SCAF11: variants seen among roughly 807,000 people sequenced by gnomAD.
SCAF11 encodes the protein SR-related CTD associated factor 11.
In SCAF11, 47 loss-of-function variants were observed where a neutral mutation model predicts 140.5. The ratio of observed to expected loss-of-function variants is 0.33; its 90% CI spans 0.26 to 0.43. SCAF11 has a LOEUF of 0.43. Among genes scored for constraint, SCAF11 ranks in the 20% least tolerant of loss-of-function variants. The pLI, the probability that SCAF11 is intolerant of heterozygous loss-of-function variation, is 1.00. For missense variants in SCAF11, 1,645 were observed against 1,705.1 expected, an observed-to-expected ratio of 0.96 and a Z score of 0.62; for synonymous variants, 557 against 579.4, an observed-to-expected ratio of 0.96 and a Z score of 0.55.
intron 11 of SCAF11, 51 bp downstream of exon 11, chr12:45,926,091 T>G (rs1944849825): frequency 1.3e-6 from 2 of 1,497,736 alleles, no homozygotes; most frequent in Admixed American, 2.2e-5. Flanking sequence ...CATATTAAAT[T>G]TATAATTCTT....
chr12:45,941,855 T>C (rs1221986733), intron 6 of SCAF11, among the ~76,000 whole-genome samples: 2 of 152,184 alleles, frequency 1.3e-5, no homozygotes, highest in African/African-American at 2.4e-5. Context: ...TGTTTTTCAA[T>C]AAAAGTTACA....
In SCAF11 at chr12:45,927,002, T is replaced by C. The variant is rs1157099642; in HGVS notation, c.2699A>G (p.Asp900Gly). 1.2e-6 allele frequency: 2 copies of C among 1,613,502 alleles called. No homozygotes were observed. Among genetic ancestry groups the C allele is most frequent in the East Asian group, 4.5e-5 (2 of 44,882 alleles). ...ENKRSQPRVK[D>G]SSPGEKSRSQ... is the part of the protein sequence containing the mutation. Reference sequence around the variant, plus strand: ...CCTGGATTTTTCTCCTGGGGAAGAATCTTTCACTCTTGGCTGAGATCTTTT... The same window carrying C: ...CCTGGATTTTTCTCCTGGGGAAGAACCTTTCACTCTTGGCTGAGATCTTTT... Residue 900 changes from aspartate (D) to glycine (G), a missense_variant, in exon 11 of 15, where the codon GAT (aspartate) becomes GGT (glycine). This residue lies in a region of SCAF11 where 1,582 missense variants were observed against 1,609.2 expected (regional missense o/e 0.98). Transcript: ENST00000369367.
Position 45,927,954 on chromosome 12 carries a change from TTTC to T in SCAF11, c.1744_1746del (p.Glu582del), listed in dbSNP as rs764138873. 3 of 1,613,456 alleles carry T rather than the reference TTTC, an allele frequency of 1.9e-6. No individual in the cohort carries two copies. Among genetic ancestry groups the T allele is most frequent in the Non-Finnish European group, 8.5e-7 (1 of 1,179,968 alleles). On this transcript the variant is annotated inframe_deletion, in exon 11 of 15. Coordinates refer to ENST00000369367, the MANE Select transcript of SCAF11 (RefSeq NM_004719.3). ...TCTACTAGGGAACTCTCTGTTATTTTTTCTTCATTAACCACTGACTCTACATTC... is the reference window on the plus strand; with the variant it reads ...TCTACTAGGGAACTCTCTGTTATTTTTTCATTAACCACTGACTCTACATTC...
chr12:45,955,961 G>GTA (rs1945681793), intron 3 of SCAF11: 1 of 626,086 alleles, frequency 1.6e-6, no homozygotes, highest in Admixed American at 2.5e-5. Context: ...TAAGGTTGTT[G>GTA]TATCAGTTAA....
At position 45,927,080 on chromosome 12, in the gene SCAF11, T is replaced by C; in HGVS notation, c.2621A>G (p.Glu874Gly). 6.2e-7 allele frequency: 1 copy of C among 1,614,190 alleles called. No homozygotes were observed. The highest frequency in any genetic ancestry group is 1.1e-5 in the South Asian group (1 of 91,090). ...GGACAGTGATTCAGATCTTCTGCTT[T>C]CCCTAGTAGTATCCCTTTTTGGAGA... ...SRSPKRDTTR[E>G]SRRSESLSPR... is the part of the protein sequence containing the mutation. The change falls in exon 11 of 15, where the codon GAA (glutamate) becomes GGA (glycine). Residue 874 changes from glutamate to glycine, a missense_variant. Physicochemically the swap from Glu to Gly is moderately conservative, Grantham distance 98. Transcript: ENST00000369367.
At chr12:45,973,337 T>C (rs774210664) in intron 1 of SCAF11, among the ~76,000 whole-genome samples, 11 of 148,856 alleles carry the variant, frequency 7.4e-5, no homozygotes, top group Middle Eastern at 3.5e-3. Context: ...AAACCCAACA[T>C]TCACATCAAG....
upstream of SCAF11, chr12:45,992,032 C>G: frequency 2.3e-6 from 3 of 1,288,812 alleles, no homozygotes; most frequent in Non-Finnish European, 3.0e-6. Flanking sequence ...GCCGACCGAC[C>G]GCTTCACTGC....
chr12:45,923,217 T>C (rs1944758567), intron 12 of SCAF11, 63 bp from the exon 13 acceptor site: 3 of 1,421,048 alleles, frequency 2.1e-6, no homozygotes, highest in Admixed American at 1.7e-5. Flanking sequence ...CTTTTAGTGA[T>C]GCATTAGAAA....
At chr12:45,965,222 A>G (rs1945917538) in intron 1 of SCAF11, among the ~76,000 whole-genome samples, 2 of 152,220 alleles carry the variant, frequency 1.3e-5, no homozygotes, top group Admixed American at 6.5e-5. Context: ...CCAAGTATGG[A>G]TTGAATTACA....
intron 3 of SCAF11, chr12:45,961,386 T>A (rs1368092827): frequency 2.8e-6 from 2 of 708,036 alleles, no homozygotes; most frequent in African/African-American, 3.5e-5. Flanking sequence ...TATTATCCTA[T>A]TAAGCACAGA....
intron 1 of SCAF11, among the ~76,000 whole-genome samples, chr12:45,981,641 T>C (rs1175641663): frequency 6.6e-6 from 1 of 152,088 alleles, no homozygotes; most frequent in African/African-American, 2.4e-5. Context: ...AACAAAAATT[T>C]AAAAAATTAG....
At chr12:45,991,935 G>A (rs1565701273), upstream of SCAF11, 14 of 1,288,182 alleles carry the variant, frequency 1.1e-5, no homozygotes, top group African/African-American at 1.5e-5. Flanking sequence ...CCTGTCGCCT[G>A]CCCCCGTTCT....
chr12:45,963,679 G>T (rs1040514942), intron 2 of SCAF11, among the ~76,000 whole-genome samples: 2 of 152,052 alleles, frequency 1.3e-5, no homozygotes, highest in African/African-American at 2.4e-5. Context: ...TGAAATAAAA[G>T]AACTCAAATA....
At chr12:45,990,699 T>C (rs956688950), upstream of SCAF11, 4 of 761,136 alleles carry the variant, frequency 5.3e-6, no homozygotes, top group South Asian at 7.0e-5. Context: ...CGCCACATTC[T>C]GCTTACTCGC....
chr12:45,943,503 T>A (rs1042519489), intron 6 of SCAF11, among the ~76,000 whole-genome samples: 1 of 152,212 alleles, frequency 6.6e-6, no homozygotes, highest in Non-Finnish European at 1.5e-5. Flanking sequence ...TTATTGTTAA[T>A]CTTTCCACCA....
intron 3 of SCAF11, chr12:45,961,053 G>C: frequency 2.7e-6 from 1 of 364,336 alleles, no homozygotes; most frequent in Non-Finnish European, 5.0e-6. Flanking sequence ...TACATTAAAA[G>C]TCACGAATGT....
chr12:45,944,573 C>T (rs984419885), intron 6 of SCAF11, among the ~76,000 whole-genome samples: 1 of 152,150 alleles, frequency 6.6e-6, no homozygotes, highest in African/African-American at 2.4e-5. Context: ...TAAATGCCCA[C>T]CTCCTCGCTT....
intron 1 of SCAF11, among the ~76,000 whole-genome samples, chr12:45,982,340 C>T (rs1946366908): frequency 6.6e-6 from 1 of 152,074 alleles, no homozygotes; most frequent in Non-Finnish European, 1.5e-5. Context: ...ATTATAACAG[C>T]TTACAGAATC....
At chr12:45,964,035 G>A (rs769940932) in intron 2 of SCAF11, 72 bp downstream of exon 2, 18 of 767,228 alleles carry the variant, frequency 2.3e-5, no homozygotes, top group Non-Finnish European at 3.7e-5. Flanking sequence ...ATTCTGAAAT[G>A]TATACAAGTG....
Sources: gnomAD v4.1 joint callset for allele counts (sites outside exome capture counted in the v4.1 genomes callset) on GRCh38, gnomAD v4.1.1 for gene constraint, gnomAD v4.1.1 regional missense constraint, MANE v1.5 for transcripts, NCBI Gene and HGNC (gene_info 2026-07-23, HGNC 2026-07-21) for gene names.